Variants in ADAMTS17 observed in about 807,000 individuals in gnomAD.
The protein encoded by ADAMTS17 is ADAM metallopeptidase with thrombospondin type 1 motif 17.
Under a neutral mutation model 141.5 loss-of-function variants are expected in ADAMTS17, and 113 were observed. The ratio of observed to expected loss-of-function variants is 0.80; its 90% confidence interval spans 0.69 to 0.93. The LOEUF (loss-of-function observed/expected upper bound fraction) is 0.93. ADAMTS17 is among the 40% of genes least tolerant of loss of function. The pLI, the probability that ADAMTS17 is intolerant of heterozygous loss-of-function variation, is 0.00. For missense variants in ADAMTS17, 1,659 were observed against 1,517.9 expected (o/e 1.09, Z -1.54); for synonymous variants, 768 against 630.6 (o/e 1.22, Z -3.27).
At chr15:100,338,212 G>A (rs1420611945) in intron 2 of ADAMTS17, among the ~76,000 whole-genome samples, 3 of 152,114 alleles carry the variant, frequency 2.0e-5, no homozygotes, top group Admixed American at 6.5e-5. Flanking sequence ...CTGTCAAAAG[G>A]AAAAGGAGCA....
chr15:100,197,149 A>G (rs531767976), intron 8 of ADAMTS17, among the ~76,000 whole-genome samples: 2 of 152,240 alleles, frequency 1.3e-5, no homozygotes, highest in South Asian at 4.2e-4. Context: ...CAGGGAGAAA[A>G]TGGCCCTCTG....
Position 100,096,414 on chromosome 15 carries a change from G to A in ADAMTS17, c.2079C>T (p.Ser693=), listed in dbSNP as rs760917269. 1.5e-5 allele frequency: 25 copies of A among 1,613,804 alleles called. No homozygotes were observed. Among genetic ancestry groups the A allele is most frequent in the South Asian group, 4.4e-5 (4 of 91,076 alleles). The stretch of plus-strand genomic sequence containing the variant: ...CCAAGTGGCAGGTCTTGCCGTCCCC[G>A]CTGCAGACCCCGCATCTGTCCTCTT... ...AAKEDRCGVC[S]GDGKTCHLVK... The change falls in exon 15 of 22, where the codon AGC becomes AGT. Residue 693 remains serine, a synonymous_variant. Coordinates refer to ENST00000268070, the MANE Select transcript of ADAMTS17 (RefSeq NM_139057.4).
chr15:100,271,731 T>C (rs11632934), intron 4 of ADAMTS17, among the ~76,000 whole-genome samples: 97,414 of 151,944 alleles, frequency 0.64, 31,661 homozygotes, highest in East Asian at 0.84. Flanking sequence ...AGTTTTTAAT[T>C]TTGATGAATT....
At position 100,090,819 on chromosome 15, in the gene ADAMTS17, G is replaced by A. The variant is rs538594385; in HGVS notation, c.2137+5537C>T. ...TCAGGAGTTCAAGACTAGCCTGAAC[G>A]ACACGGTGAAACCCCATCTCTACTA... On this transcript the variant is annotated intron_variant, in intron 15 of 21. Transcript: ENST00000268070. 5.9e-5 allele frequency among the ~76,000 whole-genome samples: 9 copies of A among 151,812 alleles called. No homozygotes were observed. The South Asian group carries it at 1.9e-3, about 32-fold the overall frequency.
chr15:100,164,877 C>G (rs2039885916), intron 8 of ADAMTS17, among the ~76,000 whole-genome samples: 1 of 152,206 alleles, frequency 6.6e-6, no homozygotes, highest in Non-Finnish European at 1.5e-5. Context: ...CCATCCAGGA[C>G]TGCAGATGCC....
At chr15:100,306,193 T>G (rs2045218686) in intron 3 of ADAMTS17, 2 of 307,486 alleles carry the variant, frequency 6.5e-6, no homozygotes, top group South Asian at 3.0e-5. Flanking sequence ...TGAAGAGGTT[T>G]TAAATAAGGC....
At chr15:100,304,099 G>T (rs2045139101) in intron 3 of ADAMTS17, among the ~76,000 whole-genome samples, 1 of 152,182 alleles carries the variant, frequency 6.6e-6, no homozygotes, top group South Asian at 2.1e-4. Context: ...CAACTGCAGT[G>T]ATGTCTTCAG....
chr15:100,235,850 A>G (rs1449071487), intron 7 of ADAMTS17, among the ~76,000 whole-genome samples: 1 of 152,190 alleles, frequency 6.6e-6, no homozygotes, highest in Non-Finnish European at 1.5e-5. Flanking sequence ...CAGATCAGGA[A>G]ATGGAAACAT....
At chr15:100,035,810 G>A (rs1467413381) in intron 18 of ADAMTS17, among the ~76,000 whole-genome samples, 1 of 152,140 alleles carries the variant, frequency 6.6e-6, no homozygotes, top group Admixed American at 6.5e-5. Flanking sequence ...GAACCTGGGA[G>A]TAAGTAGTAT....
chr15:100,160,698 G>T (rs1016474438), intron 8 of ADAMTS17, among the ~76,000 whole-genome samples: 1 of 152,212 alleles, frequency 6.6e-6, no homozygotes, highest in Admixed American at 6.5e-5. Flanking sequence ...CGGCCGAGAG[G>T]ACTTCCCCAA....
At chr15:100,138,802 A>G (rs2038468665) in intron 10 of ADAMTS17, among the ~76,000 whole-genome samples, 1 of 152,202 alleles carries the variant, frequency 6.6e-6, no homozygotes, top group Admixed American at 6.5e-5. Flanking sequence ...GTGTTCTACT[A>G]TGGCCGCAAT....
chr15:100,020,692 T>C (rs2061390807), intron 18 of ADAMTS17, among the ~76,000 whole-genome samples: 1 of 152,308 alleles, frequency 6.6e-6, no homozygotes, highest in African/African-American at 2.4e-5. Context: ...TCCATGTTCA[T>C]GGTGAACTTG....
intron 7 of ADAMTS17, among the ~76,000 whole-genome samples, chr15:100,211,133 A>AATAAATAAATAG: frequency 6.8e-6 from 1 of 147,220 alleles, no homozygotes; most frequent in Non-Finnish European, 1.5e-5. Context: ...TAAATAAATA[A>AATAAATAAATAG]ATAAATAAAA....
At position 100,075,416 on chromosome 15, in the gene ADAMTS17, G is replaced by C. The variant is rs552519853; in HGVS notation, c.2137+20940C>G. Among the ~76,000 whole-genome samples the C allele has an allele frequency of 1.1e-4, 17 of 152,220 alleles. 1 individual carries two copies. The South Asian group carries it at 3.5e-3, about 32-fold the overall frequency. On this transcript the variant is annotated intron_variant, in intron 15 of 21. Transcript: ENST00000268070. ...TGATACTGTACAGCAAAAAATAACTGTTCATTGTCCTTATCCTTGAATGTC... is the reference window on the plus strand; with the variant it reads ...TGATACTGTACAGCAAAAAATAACTCTTCATTGTCCTTATCCTTGAATGTC...
chr15:100,088,186 A>G (rs1477285606), intron 15 of ADAMTS17, among the ~76,000 whole-genome samples: 1 of 152,208 alleles, frequency 6.6e-6, no homozygotes. Context: ...GCATTCTTAT[A>G]CACCAATAAC....
chr15:100,019,534 G>A (rs944075812), intron 18 of ADAMTS17, among the ~76,000 whole-genome samples: 1 of 152,166 alleles, frequency 6.6e-6, no homozygotes, highest in African/African-American at 2.4e-5. Flanking sequence ...TGGCTGCAGT[G>A]AGTGGTTGAG....
chr15:99,999,346 C>T (rs1002213335), intron 18 of ADAMTS17, among the ~76,000 whole-genome samples: 27 of 152,152 alleles, frequency 1.8e-4, no homozygotes, highest in Non-Finnish European at 8.8e-5. Context: ...GCAGCGTGAG[C>T]AGAACAGGGA....
chr15:100,021,900 C>T (rs1448729800), intron 18 of ADAMTS17, among the ~76,000 whole-genome samples: 3 of 152,072 alleles, frequency 2.0e-5, no homozygotes, highest in East Asian at 1.9e-4. Context: ...CAATGTCAAG[C>T]GCCTGCTCCT....
chr15:100,153,357 G>A (rs1350736299), intron 9 of ADAMTS17, among the ~76,000 whole-genome samples: 5 of 152,228 alleles, frequency 3.3e-5, no homozygotes, highest in Non-Finnish European at 5.9e-5. Flanking sequence ...GAGTGAACTG[G>A]GGGCCGGGCT....
Sources: gnomAD v4.1 joint callset for allele counts (sites outside exome capture counted in the v4.1 genomes callset) on GRCh38, gnomAD v4.1.1 for gene constraint, MANE v1.5 for transcripts, NCBI Gene and HGNC (gene_info 2026-07-23, HGNC 2026-07-21) for gene names.